The following ST8SIA6 variants were observed in gnomAD, a reference collection of about 807,000 sequenced individuals.
ST8SIA6 encodes alpha-2,8-sialyltransferase 8F.
A neutral mutation model predicts 33.6 loss-of-function variants in ST8SIA6; 39 were observed. That is an observed-to-expected ratio of 1.16 (90% CI 0.90 to 1.52). The LOEUF is 1.52. Ranked by LOEUF, ST8SIA6 falls within the 40% of genes most tolerant of loss-of-function variation. The probability of loss-of-function intolerance (pLI) is 0.00; values close to 1 mark genes in which losing one functional copy is unlikely to be tolerated. For missense variants in ST8SIA6, 441 were observed against 443.8 expected (o/e 0.99, Z 0.06); for synonymous variants, 172 against 167.2 (o/e 1.03, Z -0.22).
At chr10:17,358,956 A>C (rs77192534) in intron 4 of ST8SIA6, among the ~76,000 whole-genome samples, 3,159 of 152,268 alleles carry the variant, frequency 0.021, 118 homozygotes, top group African/African-American at 0.072. Flanking sequence ...AACAAAATTT[A>C]TTCCTGTCTG....
At chr10:17,407,878 G>A (rs1006600815) in intron 2 of ST8SIA6, 3 of 152,426 alleles carry the variant, frequency 2.0e-5, no homozygotes, top group Non-Finnish European at 4.4e-5. Context: ...AGAAGGGTTT[G>A]TGGGAAAAGC....
Position 17,331,492 on chromosome 10 carries a change from A to G in ST8SIA6, c.438T>C (p.Thr146=), listed in dbSNP as rs754390348. The G allele has an allele frequency of 5.6e-6, 9 of 1,613,468 alleles. No individual in the cohort carries two copies. The Admixed American group carries it at 1.3e-4, about 24-fold the overall frequency. The change falls in exon 5 of 8, where the codon ACT becomes ACC. Residue 146 remains threonine (T), a synonymous_variant. Transcript: ENST00000377602. ...CGTAACTCATATTAGTCCCAACTGG[A>G]GTGTTATTCTGAGAAACAACAAAGT... ...VQNFVVSQNN[T]PVGTNMSYEV...
At chr10:17,349,126 A>G (rs1057421114) in intron 4 of ST8SIA6, among the ~76,000 whole-genome samples, 2 of 152,198 alleles carry the variant, frequency 1.3e-5, no homozygotes, top group African/African-American at 2.4e-5. Context: ...GAAGTTTAAT[A>G]CTTTCTGCTT....
intron 4 of ST8SIA6, among the ~76,000 whole-genome samples, chr10:17,354,275 G>A (rs1323563461): frequency 2.0e-5 from 3 of 152,150 alleles, no homozygotes; most frequent in Non-Finnish European, 4.4e-5. Flanking sequence ...ATAGCTGAGT[G>A]TCACGCTCAA....
intron 3 of ST8SIA6, among the ~76,000 whole-genome samples, chr10:17,388,412 A>G (rs2131658623): frequency 6.6e-6 from 1 of 152,306 alleles, no homozygotes; most frequent in South Asian, 2.1e-4. Flanking sequence ...TGGTTTCTTT[A>G]TCCCCAGATC....
chr10:17,334,472 G>A (rs1339954624), intron 4 of ST8SIA6, among the ~76,000 whole-genome samples: 1 of 151,080 alleles, frequency 6.6e-6, no homozygotes, highest in African/African-American at 2.4e-5. Context: ...CCAGAAAGAG[G>A]AGCTTGCAGT....
At chr10:17,451,321 G>T (rs374354401) in intron 2 of ST8SIA6, among the ~76,000 whole-genome samples, 1 of 152,150 alleles carries the variant, frequency 6.6e-6, no homozygotes, top group East Asian at 1.9e-4. Flanking sequence ...AAATAACTCA[G>T]AAAGTCAAAT....
At chr10:17,421,767 A>G (rs1194594288) in intron 2 of ST8SIA6, among the ~76,000 whole-genome samples, 2 of 152,020 alleles carry the variant, frequency 1.3e-5, no homozygotes, top group Non-Finnish European at 2.9e-5. Flanking sequence ...GGGTTTTAGT[A>G]TGGTATCCAG....
chr10:17,389,655 G>A (rs926433691), intron 3 of ST8SIA6, among the ~76,000 whole-genome samples: 1 of 152,140 alleles, frequency 6.6e-6, no homozygotes, highest in African/African-American at 2.4e-5. Context: ...CTGAGGGAGT[G>A]TCACAGCTGA....
intron 4 of ST8SIA6, among the ~76,000 whole-genome samples, chr10:17,353,001 A>G (rs916613479): frequency 2.6e-5 from 4 of 152,172 alleles, no homozygotes; most frequent in African/African-American, 7.2e-5. Context: ...TCAGCTGTCA[A>G]TGTAGTCACC....
intron 4 of ST8SIA6, among the ~76,000 whole-genome samples, chr10:17,356,533 A>G (rs1294451548): frequency 6.6e-6 from 1 of 151,884 alleles, no homozygotes; most frequent in East Asian, 1.9e-4. Context: ...GATTACAAGT[A>G]TGCCCCGTTA....
rs1453154506 is a variant in ST8SIA6, at chr10:17,353,189, T to G, written c.377+6325A>C. Among the ~76,000 whole-genome samples, 4 of 147,392 alleles carry G rather than the reference T, an allele frequency of 2.7e-5. No individual in the cohort carries two copies. The East Asian group carries it at 7.8e-4, about 29-fold the overall frequency. ...TAAATGTTAATTGAATGAAAAAGTG[T>G]AAGCTCACAAAACACTTACCAAAGT... On this transcript the variant is annotated intron_variant, in intron 4 of 7. Coordinates refer to ENST00000377602, the MANE Select transcript of ST8SIA6 (RefSeq NM_001004470.3).
chr10:17,326,298 C>G (rs1462931478), intron 6 of ST8SIA6, among the ~76,000 whole-genome samples: 1 of 152,182 alleles, frequency 6.6e-6, no homozygotes, highest in Admixed American at 6.5e-5. Context: ...CAGACTTCCA[C>G]TTACTCTTTG....
chr10:17,368,189 A>G (rs1465161113), intron 3 of ST8SIA6, among the ~76,000 whole-genome samples: 1 of 141,232 alleles, frequency 7.1e-6, no homozygotes, highest in Non-Finnish European at 1.5e-5. Context: ...TGAGGTCAGG[A>G]GTTCGAGACC....
At chr10:17,344,586 T>C (rs1434738777) in intron 4 of ST8SIA6, among the ~76,000 whole-genome samples, 1 of 152,212 alleles carries the variant, frequency 6.6e-6, no homozygotes, top group Non-Finnish European at 1.5e-5. Context: ...AGAGCTATAA[T>C]TCAAGATGAG....
intron 2 of ST8SIA6, among the ~76,000 whole-genome samples, chr10:17,442,954 G>C (rs1297788139): frequency 6.6e-6 from 1 of 152,168 alleles, no homozygotes; most frequent in Non-Finnish European, 1.5e-5. Context: ...TATAAATGGG[G>C]TCAGTGGTGA....
intron 3 of ST8SIA6, among the ~76,000 whole-genome samples, chr10:17,388,353 A>G (rs1002599439): frequency 6.6e-6 from 1 of 152,026 alleles, no homozygotes; most frequent in Non-Finnish European, 1.5e-5. Flanking sequence ...TCGTTAGTCT[A>G]TTTACCCAGA....
chr10:17,366,228 A>G (rs1336181920), intron 3 of ST8SIA6, among the ~76,000 whole-genome samples: 2 of 152,210 alleles, frequency 1.3e-5, no homozygotes, highest in Non-Finnish European at 2.9e-5. Context: ...GTAACTTCTA[A>G]TTAGAGTGTC....
chr10:17,379,474 A>T (rs1328107277), intron 3 of ST8SIA6, among the ~76,000 whole-genome samples: 1 of 152,222 alleles, frequency 6.6e-6, no homozygotes, highest in African/African-American at 2.4e-5. Flanking sequence ...AGGAAAACTC[A>T]AGCTGGGAAC....
Sources: allele counts gnomAD v4.1 joint callset (sites outside exome capture counted in the v4.1 genomes callset), GRCh38; gene constraint gnomAD v4.1.1; transcripts MANE v1.5; gene names NCBI Gene and HGNC (gene_info 2026-07-23, HGNC 2026-07-21).